The following PAPPA2 variants were observed in gnomAD, a reference collection of about 807,000 sequenced individuals.
The protein encoded by PAPPA2 is pappalysin-2.
PAPPA2 carries 86 observed loss-of-function variants against 176.4 expected under a neutral mutation model. That is an observed-to-expected ratio of 0.49 (90% CI 0.41 to 0.58). PAPPA2 has a LOEUF of 0.58. PAPPA2 is among the 20% of genes least tolerant of loss of function. PAPPA2 has a pLI of 0.00. For synonymous variants in PAPPA2, 809 were observed against 852.2 expected (o/e 0.95, Z 0.88); for missense variants, 2,073 against 2,256.9 (o/e 0.92, Z 1.65).
chr1:176,636,647 T>C (rs1271347543), intron 3 of PAPPA2, among the ~76,000 whole-genome samples: 1 of 152,252 alleles, frequency 6.6e-6, no homozygotes, highest in Non-Finnish European at 1.5e-5. Flanking sequence ...AGCAGATTCA[T>C]CAGATTTTTG....
In PAPPA2 at chr1:176,473,719, G is replaced by A. The variant is rs1036483325; in HGVS notation, c.-917+10301G>A. Among the ~76,000 whole-genome samples the A allele has an allele frequency of 1.2e-4, 18 of 152,152 alleles. 2 individuals carry two copies. Among genetic ancestry groups the A allele is most frequent in the Admixed American group, 9.8e-4 (15 of 15,270 alleles). The stretch of plus-strand genomic sequence containing the variant: ...GGCATTATCAGTGTTTTGGATTTTA[G>A]TCATTTGAATAGGTATGTAGTGGTA... On this transcript the variant is annotated intron_variant, in intron 1 of 22. Coordinates refer to ENST00000367662, the MANE Select transcript of PAPPA2 (RefSeq NM_020318.3).
chr1:176,471,100 G>T (rs773916109), intron 1 of PAPPA2, among the ~76,000 whole-genome samples: 21 of 152,116 alleles, frequency 1.4e-4, no homozygotes, highest in Non-Finnish European at 5.9e-5. Context: ...ACACAGGAAG[G>T]GAAGTGTTTG....
At chr1:176,837,433 A>G (rs2102990158) in intron 21 of PAPPA2, among the ~76,000 whole-genome samples, 1 of 151,038 alleles carries the variant, frequency 6.6e-6, no homozygotes, top group South Asian at 2.1e-4. Flanking sequence ...TGAAAATAAC[A>G]TACAGCTATG....
At chr1:176,663,981 G>T (rs1281660104) in intron 3 of PAPPA2, among the ~76,000 whole-genome samples, 1 of 152,106 alleles carries the variant, frequency 6.6e-6, no homozygotes, top group African/African-American at 2.4e-5. Context: ...GCCAAAAACT[G>T]GAGTGGTGAA....
chr1:176,564,262 C>T (rs967823208), intron 2 of PAPPA2, among the ~76,000 whole-genome samples: 1 of 152,188 alleles, frequency 6.6e-6, no homozygotes, highest in Non-Finnish European at 1.5e-5. Context: ...AGACTCTAGA[C>T]TCTTGAGTCC....
chr1:176,508,079 C>T (rs1648392165), intron 1 of PAPPA2, among the ~76,000 whole-genome samples: 1 of 152,100 alleles, frequency 6.6e-6, no homozygotes, highest in Admixed American at 6.6e-5. Context: ...AAAGGCTACT[C>T]AACAGACTTT....
chr1:176,477,725 A>G (rs1458169824), intron 1 of PAPPA2, among the ~76,000 whole-genome samples: 2 of 152,284 alleles, frequency 1.3e-5, no homozygotes, highest in East Asian at 3.9e-4. Flanking sequence ...AGCCTGGGTG[A>G]CAGAGTGAGA....
At chr1:176,747,510 A>T (rs1662964838) in intron 14 of PAPPA2, among the ~76,000 whole-genome samples, 1 of 152,174 alleles carries the variant, frequency 6.6e-6, no homozygotes, top group Admixed American at 6.5e-5. Context: ...CCAAAAAAAT[A>T]AAAAAATAAA....
At chr1:176,595,671 G>A (rs750221697) in intron 3 of PAPPA2, 76 bp downstream of exon 3, 1 of 1,401,636 alleles carries the variant, frequency 7.1e-7, no homozygotes, top group Non-Finnish European at 9.6e-7. Flanking sequence ...GGTTTTGGAG[G>A]CAAATGTGTT....
At chr1:176,494,347 C>A (rs957296325) in intron 1 of PAPPA2, among the ~76,000 whole-genome samples, 1 of 152,084 alleles carries the variant, frequency 6.6e-6, no homozygotes, top group African/African-American at 2.4e-5. Context: ...CAATGGGAGG[C>A]CACACACAAC....
chr1:176,578,777 T>C (rs1652797205), intron 2 of PAPPA2, among the ~76,000 whole-genome samples: 2 of 152,098 alleles, frequency 1.3e-5, no homozygotes, highest in Admixed American at 1.3e-4. Flanking sequence ...ATATAACCTC[T>C]CAGAAAGGGG....
At chr1:176,466,420 G>T (rs968860504) in intron 1 of PAPPA2, among the ~76,000 whole-genome samples, 9 of 152,070 alleles carry the variant, frequency 5.9e-5, no homozygotes, top group Non-Finnish European at 1.3e-4. Context: ...TAATTTATGA[G>T]TAGTTACCTC....
chr1:176,712,541 A>G (rs1051816535), intron 12 of PAPPA2, among the ~76,000 whole-genome samples: 3 of 152,170 alleles, frequency 2.0e-5, no homozygotes, highest in Admixed American at 6.6e-5. Flanking sequence ...ATTGTGGTAT[A>G]AGCATTGCAA....
At chr1:176,482,217 A>T (rs1309207891) in intron 1 of PAPPA2, among the ~76,000 whole-genome samples, 1 of 152,210 alleles carries the variant, frequency 6.6e-6, no homozygotes, top group Non-Finnish European at 1.5e-5. Flanking sequence ...ACTGAAATCT[A>T]TTAGTCCAAA....
chr1:176,735,746 T>C (rs1662382126), intron 12 of PAPPA2, among the ~76,000 whole-genome samples: 1 of 151,806 alleles, frequency 6.6e-6, no homozygotes, highest in Non-Finnish European at 1.5e-5. Flanking sequence ...CTATCATCTA[T>C]CTGTCTGTCT....
At chr1:176,837,491 A>C (rs893933523) in intron 21 of PAPPA2, among the ~76,000 whole-genome samples, 21 of 151,728 alleles carry the variant, frequency 1.4e-4, no homozygotes, top group African/African-American at 1.5e-4. Flanking sequence ...AAAAAAAAAA[A>C]AAAAAAAACG....
intron 12 of PAPPA2, among the ~76,000 whole-genome samples, chr1:176,726,925 T>G (rs1265796995): frequency 6.6e-6 from 1 of 152,190 alleles, no homozygotes; most frequent in Non-Finnish European, 1.5e-5. Context: ...ATAATATATA[T>G]GACCACAAAG....
At chr1:176,601,478 G>A (rs954817660) in intron 3 of PAPPA2, among the ~76,000 whole-genome samples, 1 of 152,166 alleles carries the variant, frequency 6.6e-6, no homozygotes, top group African/African-American at 2.4e-5. Flanking sequence ...CTGCAACCCA[G>A]ATGGGCCTAT....
intron 1 of PAPPA2, among the ~76,000 whole-genome samples, chr1:176,472,376 T>C (rs1651921053): frequency 6.6e-6 from 1 of 152,202 alleles, no homozygotes; most frequent in Non-Finnish European, 1.5e-5. Context: ...TGTCCCATCT[T>C]TGGCCAATGA....
Sources: gnomAD v4.1 joint callset for allele counts (sites outside exome capture counted in the v4.1 genomes callset) on GRCh38, gnomAD v4.1.1 for gene constraint, MANE v1.5 for transcripts, NCBI Gene and HGNC (gene_info 2026-07-23, HGNC 2026-07-21) for gene names.